The following FARS2 variants were observed in gnomAD, a reference collection of about 807,000 sequenced individuals.
FARS2 encodes the protein phenylalanine--tRNA ligase, mitochondrial.
In FARS2, 40 loss-of-function variants were observed where a neutral mutation model predicts 46.4. The observed-to-expected ratio is 0.86, with a 90% CI of 0.67 to 1.12. The LOEUF is 1.12. Among genes scored for constraint, FARS2 ranks in the 50% most tolerant of loss-of-function variants. The pLI, the probability that FARS2 is intolerant of heterozygous loss-of-function variation, is 0.00. For synonymous variants in FARS2, 234 were observed against 214.9 expected (o/e 1.09, Z -0.78); for missense variants, 513 against 567.9 (o/e 0.90, Z 0.98).
At chr6:5,695,777 C>T (rs1336828890) in intron 6 of FARS2, among the ~76,000 whole-genome samples, 3 of 152,176 alleles carry the variant, frequency 2.0e-5, no homozygotes, top group Admixed American at 1.3e-4. Flanking sequence ...AATTTAGCCA[C>T]GTAAACATTT....
intron 6 of FARS2, 149 bp downstream of exon 6, chr6:5,613,469 T>G: frequency 1.8e-6 from 1 of 568,242 alleles, no homozygotes. Context: ...ATCAGAAAAC[T>G]CTTTGATATC....
chr6:5,609,494 A>G (rs1775051777), intron 5 of FARS2: 6 of 1,227,468 alleles, frequency 4.9e-6, no homozygotes, highest in African/African-American at 4.4e-5. Flanking sequence ...CACCACCATC[A>G]TGGCTGCCAC....
chr6:5,649,156 T>A (rs1053340120), intron 6 of FARS2, among the ~76,000 whole-genome samples: 1 of 152,084 alleles, frequency 6.6e-6, no homozygotes, highest in Non-Finnish European at 1.5e-5. Flanking sequence ...AATTAATGAG[T>A]CTTGCAGAAT....
upstream of FARS2, chr6:5,260,704 T>A: frequency 6.5e-7 from 1 of 1,548,932 alleles, no homozygotes. Context: ...GGTACAGAGA[T>A]AACACTTGTG....
chr6:5,547,212 G>A (rs761062414), intron 5 of FARS2, among the ~76,000 whole-genome samples: 21 of 152,128 alleles, frequency 1.4e-4, no homozygotes, highest in Non-Finnish European at 2.8e-4. Flanking sequence ...TTGGCCTCCC[G>A]AAGTGCTGGG....
At chr6:5,761,481 C>T (rs1012989989) in intron 6 of FARS2, among the ~76,000 whole-genome samples, 4 of 152,188 alleles carry the variant, frequency 2.6e-5, no homozygotes, top group Non-Finnish European at 4.4e-5. Context: ...GAGTTGGAAA[C>T]GTAGCACTTC....
intron 6 of FARS2, among the ~76,000 whole-genome samples, chr6:5,648,658 C>G (rs774754141): frequency 3.3e-5 from 5 of 152,158 alleles, no homozygotes; most frequent in Non-Finnish European, 7.4e-5. Context: ...TCTTTTCTTT[C>G]TCTCTTTCCA....
Position 5,325,407 on chromosome 6 carries a change from C to T in FARS2, c.-21-43143C>T, listed in dbSNP as rs192712584. Reference sequence around the variant, plus strand: ...ACTGCCCCCTCCTGCCATCCAGTGGCGGCAGGGACTGGCATGGTTCCCAGT... The same window carrying T: ...ACTGCCCCCTCCTGCCATCCAGTGGTGGCAGGGACTGGCATGGTTCCCAGT... On this transcript the variant is annotated intron_variant, in intron 1 of 6. Transcript: ENST00000274680. Among the ~76,000 whole-genome samples the T allele has an allele frequency of 4.5e-3, 679 of 152,364 alleles. 18 individuals carry two copies. The highest frequency in any genetic ancestry group is 0.035 in the Admixed American group (534 of 15,310).
intron 5 of FARS2, among the ~76,000 whole-genome samples, chr6:5,586,206 TC>T (rs1449829999): frequency 6.6e-6 from 1 of 152,188 alleles, no homozygotes; most frequent in Non-Finnish European, 1.5e-5. Context: ...ACCTTTGACT[TC>T]TTTTTCCTGC....
At chr6:5,615,469 G>C (rs1775421244) in intron 6 of FARS2, among the ~76,000 whole-genome samples, 1 of 152,012 alleles carries the variant, frequency 6.6e-6, no homozygotes, top group Admixed American at 6.6e-5. Flanking sequence ...CTGCTTTCTT[G>C]CCATCTCTTC....
At chr6:5,464,889 A>C (rs1415753124) in intron 4 of FARS2, among the ~76,000 whole-genome samples, 2 of 152,250 alleles carry the variant, frequency 1.3e-5, no homozygotes, top group African/African-American at 4.8e-5. Flanking sequence ...ACATCTTTCT[A>C]CAAAGAGGAT....
chr6:5,440,146 AATTCCATGATCCT>A (rs1190769299), intron 4 of FARS2, among the ~76,000 whole-genome samples: 1 of 152,204 alleles, frequency 6.6e-6, no homozygotes, highest in African/African-American at 2.4e-5. Flanking sequence ...AAATGAAAGT[AATTCCATGATCCT>A]ACATAAAATA....
At chr6:5,253,194 T>TG in the FARS2 span, among the ~76,000 whole-genome samples, 2 of 152,232 alleles carry the variant, frequency 1.3e-5, no homozygotes, top group South Asian at 4.1e-4. Context: ...CTACACTTGG[T>TG]ATGCATTTGG....
chr6:5,501,791 A>C (rs1231148520), intron 4 of FARS2, among the ~76,000 whole-genome samples: 1 of 152,170 alleles, frequency 6.6e-6, no homozygotes, highest in Non-Finnish European at 1.5e-5. Context: ...CACCACGCCC[A>C]GCTGGTTTCT....
intron 4 of FARS2, among the ~76,000 whole-genome samples, chr6:5,544,373 A>C (rs896734541): frequency 2.6e-5 from 4 of 152,222 alleles, no homozygotes; most frequent in South Asian, 4.1e-4. Flanking sequence ...AGGCCATCTC[A>C]GCCTACCACA....
Position 5,438,035 on chromosome 6 carries a change from G to A in FARS2, c.904+6863G>A, listed in dbSNP as rs771457624. Among the ~76,000 whole-genome samples the A allele has an allele frequency of 5.9e-5, 9 of 151,906 alleles. No homozygotes were observed. The South Asian group carries it at 1.5e-3, about 25-fold the overall frequency. The stretch of plus-strand genomic sequence containing the variant: ...ATGTTTTTATTGAATATAGAATTCC[G>A]GATTGATGGATTTTTATTTTTTTTC... On this transcript the variant is annotated intron_variant, in intron 4 of 6. Coordinates refer to ENST00000274680, the MANE Select transcript of FARS2 (RefSeq NM_006567.5).
At chr6:5,341,175 G>T (rs1771532521) in intron 1 of FARS2, among the ~76,000 whole-genome samples, 1 of 109,098 alleles carries the variant, frequency 9.2e-6, no homozygotes, top group Admixed American at 1.1e-4. Context: ...TGCCTGCTCT[G>T]TGGCCATGGG....
At chr6:5,253,847 AAC>A in the FARS2 span, among the ~76,000 whole-genome samples, 1 of 147,126 alleles carries the variant, frequency 6.8e-6, no homozygotes, top group Non-Finnish European at 1.5e-5. Context: ...AAAAAAAAAA[AAC>A]CATCGTTTTG....
intron 3 of FARS2, among the ~76,000 whole-genome samples, chr6:5,416,442 A>G (rs916696137): frequency 2.0e-5 from 3 of 152,178 alleles, no homozygotes; most frequent in African/African-American, 4.8e-5. Context: ...TCAATTAACC[A>G]TGTATGTCTG....
Sources: gnomAD v4.1 joint callset for allele counts (sites outside exome capture counted in the v4.1 genomes callset) on GRCh38, gnomAD v4.1.1 for gene constraint, MANE v1.5 for transcripts, NCBI Gene and HGNC (gene_info 2026-07-23, HGNC 2026-07-21) for gene names.